MCTP2: variants seen among roughly 807,000 people sequenced by gnomAD.
The protein encoded by MCTP2 is multiple C2 and transmembrane domain-containing protein 2.
In MCTP2, 132 loss-of-function variants were observed where a neutral mutation model predicts 111.6. The ratio of observed to expected loss-of-function variants is 1.18; its 90% CI spans 1.03 to 1.37. The LOEUF is 1.37. MCTP2 is among the 40% of genes most tolerant of loss of function. The probability of loss-of-function intolerance (pLI) is 0.00; values close to 1 mark genes in which losing one functional copy is unlikely to be tolerated. For synonymous variants in MCTP2, 395 were observed against 387.7 expected (o/e 1.02, Z -0.22); for missense variants, 1,183 against 1,067.9 (o/e 1.11, Z -1.50).
chr15:94,249,853 C>T (rs2072286839), intron 1 of MCTP2, among the ~76,000 whole-genome samples: 1 of 152,022 alleles, frequency 6.6e-6, no homozygotes, highest in South Asian at 2.1e-4. Flanking sequence ...TCACCAGAAA[C>T]CTAGTTGTCA....
chr15:94,444,651 TA>T (rs2084014664), intron 19 of MCTP2, among the ~76,000 whole-genome samples: 1 of 152,190 alleles, frequency 6.6e-6, no homozygotes, highest in Non-Finnish European at 1.5e-5. Context: ...CCAAATATTA[TA>T]GCAAAAGATG....
intron 4 of MCTP2, among the ~76,000 whole-genome samples, chr15:94,321,251 G>GCCAT (rs2076617596): frequency 2.0e-5 from 3 of 152,016 alleles, no homozygotes; most frequent in Non-Finnish European, 2.9e-5. Flanking sequence ...GCTCAGTAGG[G>GCCAT]TGACTATACT....
chr15:94,232,164 T>C (rs1303229581), intron 1 of MCTP2, among the ~76,000 whole-genome samples: 2 of 152,278 alleles, frequency 1.3e-5, no homozygotes, highest in African/African-American at 4.8e-5. Flanking sequence ...CCACTGAAGA[T>C]AAGTAAGTTA....
intron 20 of MCTP2, among the ~76,000 whole-genome samples, chr15:94,462,330 G>C (rs544851630): frequency 6.6e-6 from 1 of 152,326 alleles, no homozygotes; most frequent in East Asian, 1.9e-4. Context: ...TAATGGCGAA[G>C]TTAGTCATTT....
chr15:94,412,238 C>T (rs898960555), intron 17 of MCTP2, among the ~76,000 whole-genome samples: 1 of 151,620 alleles, frequency 6.6e-6, no homozygotes, highest in African/African-American at 2.4e-5. Context: ...TTTGAAATTA[C>T]GGTTTTAGTT....
At chr15:94,349,818 T>TAAA (rs373349483) in intron 8 of MCTP2, among the ~76,000 whole-genome samples, 2 of 133,030 alleles carry the variant, frequency 1.5e-5, no homozygotes, top group African/African-American at 5.9e-5. Context: ...GGACTCTGTC[T>TAAA]GAAAAAAAAA....
At chr15:94,357,597 G>C (rs927817460) in intron 9 of MCTP2, among the ~76,000 whole-genome samples, 1 of 149,580 alleles carries the variant, frequency 6.7e-6, no homozygotes, top group Non-Finnish European at 1.5e-5. Flanking sequence ...TAAATTCTGT[G>C]ATCCAATATA....
At chr15:94,356,408 G>T in intron 9 of MCTP2, 107 bp downstream of exon 9, 2 of 1,043,464 alleles carry the variant, frequency 1.9e-6, no homozygotes, top group Non-Finnish European at 2.6e-6. Flanking sequence ...TTTATGTTCA[G>T]CCCGCCTAAC....
intron 19 of MCTP2, among the ~76,000 whole-genome samples, chr15:94,452,485 A>C (rs942838955): frequency 4.6e-5 from 7 of 152,180 alleles, no homozygotes; most frequent in African/African-American, 1.7e-4. Context: ...CTCAAACCAC[A>C]AGCATTTGCT....
intron 1 of MCTP2, among the ~76,000 whole-genome samples, chr15:94,268,265 C>T (rs1406970251): frequency 6.7e-6 from 1 of 150,300 alleles, no homozygotes; most frequent in Non-Finnish European, 1.5e-5. Flanking sequence ...ACTGCAACCT[C>T]CGCCTCCTGG....
chr15:94,367,926 A>G, intron 11 of MCTP2, 135 bp downstream of exon 11: 1 of 727,700 alleles, frequency 1.4e-6, no homozygotes. Flanking sequence ...CTTGTACGTC[A>G]TAAAACAAGA....
chr15:94,292,622 A>G lies in MCTP2; in HGVS notation c.-65-5579A>G, dbSNP rs1596283643. ...ATGAAAGAAATGAAGGAAGACCTAG[A>G]TAAATGAAGAGACCTGCCATGTGCT... is the stretch of plus-strand genomic sequence containing the variant. On this transcript the variant is annotated intron_variant, in intron 1 of 22. Transcript: ENST00000357742. Among the ~76,000 whole-genome samples the G allele has an allele frequency of 2.6e-5, 4 of 152,244 alleles. No individual in the cohort carries two copies. The East Asian group carries it at 5.8e-4, about 22-fold the overall frequency.
In MCTP2 at chr15:94,479,801, A is replaced by T. The variant is rs1305474420; in HGVS notation, c.*767A>T. Reference sequence around the variant, plus strand: ...TTTACTTTTTGCTTATTTTCAAAATATTATAAAATGTCAACATATAATTTC... The same window carrying T: ...TTTACTTTTTGCTTATTTTCAAAATTTTATAAAATGTCAACATATAATTTC... On this transcript the variant is annotated 3_prime_UTR_variant, in exon 23 of 23. Coordinates refer to ENST00000357742, the MANE Select transcript of MCTP2 (RefSeq NM_001385001.1). 6.6e-6 allele frequency: 1 copy of T among 152,194 alleles called. No individual in the cohort carries two copies. The highest frequency in any genetic ancestry group is 1.5e-5 in the Non-Finnish European group (1 of 68,032). The allele number at this position is 152,194 out of a possible 1,614,324, so 9.4% of individuals were successfully genotyped here.
At chr15:94,472,497 T>TC (rs1157228782) in intron 21 of MCTP2, among the ~76,000 whole-genome samples, 3 of 152,256 alleles carry the variant, frequency 2.0e-5, no homozygotes, top group African/African-American at 7.2e-5. Context: ...TCTGATCTTA[T>TC]CCTCCAAGAT....
intron 20 of MCTP2, among the ~76,000 whole-genome samples, chr15:94,469,945 G>A (rs530356935): frequency 5.3e-5 from 8 of 152,168 alleles, no homozygotes; most frequent in South Asian, 2.1e-4. Context: ...ACTAGTAACC[G>A]TGTGTTTATT....
At chr15:94,354,125 A>G (rs2078471937) in intron 8 of MCTP2, among the ~76,000 whole-genome samples, 1 of 152,130 alleles carries the variant, frequency 6.6e-6, no homozygotes, top group Non-Finnish European at 1.5e-5. Flanking sequence ...ATATATATAT[A>G]TGAAGTAAGA....
chr15:94,284,537 G>A (rs556890694), intron 1 of MCTP2, among the ~76,000 whole-genome samples: 17 of 152,278 alleles, frequency 1.1e-4, no homozygotes, highest in East Asian at 1.9e-4. Context: ...GGTAAAATTC[G>A]TGAAGGTAAT....
intron 19 of MCTP2, 96 bp from the exon 20 acceptor site, chr15:94,458,041 T>C: frequency 1.4e-6 from 1 of 703,242 alleles, no homozygotes; most frequent in Non-Finnish European, 2.5e-6. Flanking sequence ...ACTCTATTGG[T>C]AAAAACCTTG....
chr15:94,477,308 A>T lies in MCTP2; in HGVS notation c.2568+515A>T, dbSNP rs149079459. On this transcript the variant is annotated intron_variant, in intron 22 of 22. Transcript: ENST00000357742. ...GCAGCCCCCATTTACTGTAATACAC[A>T]AAGAGGCAGAGGCAGTGTGAAATAA... Among the ~76,000 whole-genome samples the T allele has an allele frequency of 2.6e-3, 394 of 152,328 alleles. 1 individual carries two copies. Among genetic ancestry groups the T allele is most frequent in the Non-Finnish European group, 4.3e-3 (295 of 68,028 alleles).
Sources: gnomAD v4.1 joint callset for allele counts (sites outside exome capture counted in the v4.1 genomes callset) on GRCh38, gnomAD v4.1.1 for gene constraint, MANE v1.5 for transcripts, NCBI Gene and HGNC (gene_info 2026-07-23, HGNC 2026-07-21) for gene names.